The following ADGRB3 variants were observed in gnomAD, a reference collection of about 807,000 sequenced individuals.
The protein encoded by ADGRB3 is adhesion G protein-coupled receptor B3.
ADGRB3 carries 37 observed loss-of-function variants against 193.4 expected under a neutral mutation model. The observed-to-expected ratio is 0.19, with a 90% CI of 0.15 to 0.25. The LOEUF (loss-of-function observed/expected upper bound fraction) is 0.25. ADGRB3 is among the 10% of genes least tolerant of loss of function. ADGRB3 has a pLI of 1.00. For synonymous variants in ADGRB3, 690 were observed against 644.2 expected, an observed-to-expected ratio of 1.07 and a Z score of -1.08; for missense variants, 1,637 against 1,852.9, an observed-to-expected ratio of 0.88 and a Z score of 2.14.
At chr6:69,332,175 T>C (rs2127314532) in intron 23 of ADGRB3, 1 of 985,396 alleles carries the variant, frequency 1.0e-6, no homozygotes, top group Non-Finnish European at 1.2e-6. Flanking sequence ...CTGGTACAAA[T>C]AGACATCTAT....
At chr6:68,898,598 C>G (rs900707993) in intron 3 of ADGRB3, among the ~76,000 whole-genome samples, 1 of 152,058 alleles carries the variant, frequency 6.6e-6, no homozygotes, top group Admixed American at 6.6e-5. Flanking sequence ...CATGACTCCC[C>G]AACCCTTAGA....
At chr6:69,379,947 A>C (rs1769913107) in intron 30 of ADGRB3, among the ~76,000 whole-genome samples, 1 of 152,010 alleles carries the variant, frequency 6.6e-6, no homozygotes, top group African/African-American at 2.4e-5. Context: ...GCTTTAATAA[A>C]CCCAGGTAGA....
At chr6:69,161,262 G>A (rs1774977946) in intron 17 of ADGRB3, among the ~76,000 whole-genome samples, 2 of 151,962 alleles carry the variant, frequency 1.3e-5, no homozygotes, top group South Asian at 4.1e-4. Context: ...CAGCTCATAA[G>A]ACAGTCAGTG....
intron 17 of ADGRB3, 42 bp from the exon 18 acceptor site, chr6:69,233,248 C>A (rs750664571): frequency 1.2e-6 from 2 of 1,605,666 alleles, no homozygotes; most frequent in Admixed American, 1.7e-5. Context: ...GGCTATCAGG[C>A]GTATTTATCC....
chr6:69,169,908 GCTAT>G lies in ADGRB3; in HGVS notation c.2481-63378_2481-63375del, dbSNP rs368132923. Among the ~76,000 whole-genome samples the G allele has an allele frequency of 2.2e-3, 339 of 152,204 alleles. 4 individuals are homozygous for G. The highest frequency in any genetic ancestry group is 8.0e-3 in the African/African-American group (332 of 41,538). On this transcript the variant is annotated intron_variant, in intron 17 of 31. Coordinates refer to ENST00000370598, the MANE Select transcript of ADGRB3 (RefSeq NM_001704.3). ...AGTCTTAACAGCTTTGAGGTCCTTG[GCTAT>G]CTAAGTGCAGAAAAATAGAGTCAGC...
chr6:68,661,538 CATATATATATAT>C (rs66836065), intron 3 of ADGRB3, among the ~76,000 whole-genome samples: 46,383 of 91,922 alleles, frequency 0.5, 13,175 homozygotes, highest in Non-Finnish European at 0.56. Context: ...TATGTGTATA[CATATATATATAT>C]ATATATATAT....
At chr6:68,651,081 T>A (rs1768355685) in intron 3 of ADGRB3, among the ~76,000 whole-genome samples, 1 of 152,216 alleles carries the variant, frequency 6.6e-6, no homozygotes, top group Non-Finnish European at 1.5e-5. Flanking sequence ...TTCAAAGATC[T>A]GCCTCTGCAC....
chr6:69,321,361 G>A (rs1768452364), intron 20 of ADGRB3, among the ~76,000 whole-genome samples: 1 of 151,822 alleles, frequency 6.6e-6, no homozygotes, highest in African/African-American at 2.4e-5. Flanking sequence ...AAAATCAGAA[G>A]AATTGAATGA....
intron 29 of ADGRB3, among the ~76,000 whole-genome samples, chr6:69,368,424 T>C (rs1003136809): frequency 6.6e-6 from 1 of 152,096 alleles, no homozygotes; most frequent in Non-Finnish European, 1.5e-5. Flanking sequence ...TGCTGGTGGA[T>C]TGAATGTGGA....
intron 3 of ADGRB3, among the ~76,000 whole-genome samples, chr6:68,812,800 T>A (rs1444613304): frequency 1.3e-5 from 2 of 151,996 alleles, no homozygotes; most frequent in Admixed American, 1.3e-4. Context: ...CATTAGGTAT[T>A]TCTCCTAATG....
At chr6:68,839,304 G>A (rs1768105509) in intron 3 of ADGRB3, among the ~76,000 whole-genome samples, 1 of 152,112 alleles carries the variant, frequency 6.6e-6, no homozygotes, top group Non-Finnish European at 1.5e-5. Context: ...CTGCTCCAGT[G>A]TTGTAATATA....
intron 3 of ADGRB3, among the ~76,000 whole-genome samples, chr6:68,733,588 A>G (rs1043963240): frequency 3.3e-5 from 5 of 151,788 alleles, no homozygotes; most frequent in Admixed American, 2.6e-4. Flanking sequence ...ACATTAGACA[A>G]TATAACCATG....
intron 21 of ADGRB3, among the ~76,000 whole-genome samples, chr6:69,325,271 C>T (rs1394515436): frequency 1.3e-5 from 2 of 151,500 alleles, no homozygotes; most frequent in Non-Finnish European, 2.9e-5. Context: ...AAATGAGACC[C>T]CGAGATGCCT....
rs35683538 is a variant in ADGRB3, at chr6:68,825,190, A to AT, written c.758-105360dup. ...CCTCTTATGGTCTACTTATGCTTTA[A>AT]TTTTTTTTTCGTAAATTAATCTCAT... On this transcript the variant is annotated intron_variant, in intron 3 of 31. Transcript: ENST00000370598. 6.8e-4 allele frequency among the ~76,000 whole-genome samples: 103 copies of AT among 150,734 alleles called. 1 individual carries two copies. Among genetic ancestry groups the AT allele is most frequent in the African/African-American group, 2.2e-3 (89 of 41,074 alleles).
At chr6:69,196,735 G>C (rs576577621) in intron 17 of ADGRB3, among the ~76,000 whole-genome samples, 20 of 152,222 alleles carry the variant, frequency 1.3e-4, no homozygotes, top group African/African-American at 4.6e-4. Flanking sequence ...AGGAGAGCAT[G>C]ATTCAGTCTG....
chr6:69,263,761 T>G (rs1766977173), intron 20 of ADGRB3, among the ~76,000 whole-genome samples: 1 of 151,954 alleles, frequency 6.6e-6, no homozygotes, highest in Non-Finnish European at 1.5e-5. Flanking sequence ...TCACAGTAAC[T>G]CATATAATGT....
intron 26 of ADGRB3, among the ~76,000 whole-genome samples, chr6:69,348,493 C>CAAAA (rs5877205): frequency 2.7e-4 from 31 of 114,846 alleles, no homozygotes; most frequent in African/African-American, 7.6e-4. Context: ...CTAAAAAATG[C>CAAAA]AAAAAAAAAA....
At chr6:68,773,230 T>A (rs1766674377) in intron 3 of ADGRB3, among the ~76,000 whole-genome samples, 1 of 152,088 alleles carries the variant, frequency 6.6e-6, no homozygotes, top group African/African-American at 2.4e-5. Context: ...TTAAAGAAAC[T>A]AGGCAATTTT....
chr6:68,774,421 C>T (rs557989175), intron 3 of ADGRB3, among the ~76,000 whole-genome samples: 11 of 145,694 alleles, frequency 7.6e-5, no homozygotes, highest in South Asian at 2.2e-4. Context: ...AAAGTTTTCA[C>T]GGTATTTTCT....
Sources: gnomAD v4.1 joint callset for allele counts (sites outside exome capture counted in the v4.1 genomes callset) on GRCh38, gnomAD v4.1.1 for gene constraint, MANE v1.5 for transcripts, NCBI Gene and HGNC (gene_info 2026-07-23, HGNC 2026-07-21) for gene names.